KCNAB1: variants seen among roughly 807,000 people sequenced by gnomAD.
KCNAB1 encodes the protein voltage-gated potassium channel subunit beta-1.
A neutral mutation model predicts 64.6 loss-of-function variants in KCNAB1; 35 were observed. The observed-to-expected ratio is 0.54, with a 90% CI of 0.41 to 0.72. The LOEUF is 0.72. Among genes scored for constraint, KCNAB1 ranks in the 30% least tolerant of loss-of-function variants. The pLI, the probability that KCNAB1 is intolerant of heterozygous loss-of-function variation, is 0.00. For synonymous variants in KCNAB1, 177 were observed against 183.8 expected (o/e 0.96, Z 0.30); for missense variants, 401 against 512.9 (o/e 0.78, Z 2.11).
intron 1 of KCNAB1, among the ~76,000 whole-genome samples, chr3:156,177,701 T>A (rs1039429430): frequency 6.6e-6 from 1 of 151,118 alleles, no homozygotes; most frequent in South Asian, 2.1e-4. Context: ...TGAGAATTTG[T>A]CAAAAGCCGT....
intron 13 of KCNAB1, among the ~76,000 whole-genome samples, chr3:156,534,455 C>T (rs1718912760): frequency 6.6e-6 from 1 of 152,162 alleles, no homozygotes; most frequent in Admixed American, 6.5e-5. Context: ...CCCCCTCCTC[C>T]CCACATGCCT....
At chr3:156,177,526 G>A (rs1234465316) in intron 1 of KCNAB1, among the ~76,000 whole-genome samples, 1 of 151,988 alleles carries the variant, frequency 6.6e-6, no homozygotes, top group Non-Finnish European at 1.5e-5. Flanking sequence ...ACAAGCGCCC[G>A]CCACCCCGCC....
intron 1 of KCNAB1, among the ~76,000 whole-genome samples, chr3:156,163,333 T>C (rs1472388751): frequency 6.6e-6 from 1 of 152,178 alleles, no homozygotes; most frequent in Non-Finnish European, 1.5e-5. Context: ...CTTTGTTTTA[T>C]GGAATTTTTT....
At chr3:156,534,289 C>T (rs1211148570) in intron 13 of KCNAB1, among the ~76,000 whole-genome samples, 2 of 152,124 alleles carry the variant, frequency 1.3e-5, no homozygotes, top group South Asian at 2.1e-4. Flanking sequence ...AGGGATGCCA[C>T]GTGCCTAAGA....
chr3:156,257,684 G>A (rs1489750671), intron 1 of KCNAB1, among the ~76,000 whole-genome samples: 2 of 152,142 alleles, frequency 1.3e-5, no homozygotes, highest in African/African-American at 4.8e-5. Flanking sequence ...TTGGATTCAG[G>A]ATTGATGCCT....
chr3:156,359,866 C>T (rs1725490464), intron 1 of KCNAB1, among the ~76,000 whole-genome samples: 1 of 152,140 alleles, frequency 6.6e-6, no homozygotes. Context: ...ATATTAAAGG[C>T]AATGGTGGTA....
In KCNAB1 at chr3:156,375,232, C is replaced by T. The variant is rs549861796; in HGVS notation, c.276-46384C>T. On this transcript the variant is annotated intron_variant, in intron 1 of 13. Coordinates refer to ENST00000490337, the MANE Select transcript of KCNAB1 (RefSeq NM_172160.3). The stretch of plus-strand genomic sequence containing the variant: ...AGAGCTGGTGAGTGACAGAGCAGAA[C>T]GTAGAATGCAGTTTTCTTCATCCTC... 1.0e-4 allele frequency among the ~76,000 whole-genome samples: 14 copies of T among 135,636 alleles called. 4 individuals are homozygous for T. The highest frequency in any genetic ancestry group is 4.6e-4 in the African/African-American group (14 of 30,394). The allele number at this position is 135,636 out of a possible 152,430, so 89.0% of individuals were successfully genotyped here.
At chr3:156,214,840 G>A (rs561762604) in intron 1 of KCNAB1, among the ~76,000 whole-genome samples, 4 of 152,268 alleles carry the variant, frequency 2.6e-5, no homozygotes, top group South Asian at 2.1e-4. Flanking sequence ...TTCTTGTCAC[G>A]AGGGGATAAT....
chr3:156,416,361 A>G (rs1715077482), intron 1 of KCNAB1, among the ~76,000 whole-genome samples: 1 of 152,178 alleles, frequency 6.6e-6, no homozygotes, highest in South Asian at 2.1e-4. Flanking sequence ...TATTGCCTAG[A>G]ACGTATTTCA....
intron 1 of KCNAB1, among the ~76,000 whole-genome samples, chr3:156,274,674 T>C (rs770874041): frequency 5.9e-5 from 9 of 152,214 alleles, no homozygotes; most frequent in Non-Finnish European, 1.2e-4. Context: ...AGTAGTTTTG[T>C]GGAAAGTTAT....
At chr3:156,376,236 C>A (rs1021249175) in intron 1 of KCNAB1, among the ~76,000 whole-genome samples, 6 of 152,180 alleles carry the variant, frequency 3.9e-5, no homozygotes, top group African/African-American at 1.4e-4. Flanking sequence ...TGGAAATTCC[C>A]AGATGGAATT....
chr3:156,444,112 A>C (rs1383962950), intron 2 of KCNAB1, among the ~76,000 whole-genome samples: 1 of 152,272 alleles, frequency 6.6e-6, no homozygotes. Context: ...AATAAGGGCC[A>C]GGCTCTGTGG....
At chr3:156,534,720 G>T (rs1394546154) in intron 13 of KCNAB1, among the ~76,000 whole-genome samples, 1 of 152,046 alleles carries the variant, frequency 6.6e-6, no homozygotes, top group Non-Finnish European at 1.5e-5. Flanking sequence ...TGCCCAGCCA[G>T]CCCCAGCAAC....
intron 1 of KCNAB1, among the ~76,000 whole-genome samples, chr3:156,187,659 T>A (rs549241301): frequency 1.3e-5 from 2 of 152,346 alleles, no homozygotes; most frequent in South Asian, 4.1e-4. Context: ...CCTAATGATC[T>A]CTTGCATCCA....
At position 156,452,088 on chromosome 3, in the gene KCNAB1, T is replaced by C. The variant is rs1712051159; in HGVS notation, c.320-811T>C. 1.3e-5 allele frequency among the ~76,000 whole-genome samples: 2 copies of C among 152,128 alleles called. No homozygotes were observed. The highest frequency in any genetic ancestry group is 1.3e-4 in the Admixed American group (2 of 15,274). On this transcript the variant is annotated intron_variant, in intron 2 of 13. Transcript: ENST00000490337. This position sits in a 1 kb window ranked among gnomAD's most constrained non-coding sequence, Gnocchi z 4.6. ...CTTTTATGTGGCATGTAATTAGGAATCAAAAGAATTCATTCCCTCCTTTAG... is the reference window on the plus strand; with the variant it reads ...CTTTTATGTGGCATGTAATTAGGAACCAAAAGAATTCATTCCCTCCTTTAG...
At chr3:156,524,227 A>G in intron 12 of KCNAB1, 1 of 278,754 alleles carries the variant, frequency 3.6e-6, no homozygotes, top group Non-Finnish European at 6.7e-6. Flanking sequence ...TCAGGGGTGA[A>G]CTGTGTAGTG....
intron 1 of KCNAB1, among the ~76,000 whole-genome samples, chr3:156,299,528 A>G (rs1411316262): frequency 1.6e-5 from 2 of 124,096 alleles, no homozygotes; most frequent in East Asian, 4.1e-4. Context: ...ACATTGCCAC[A>G]TGTAACACTG....
chr3:156,142,894 T>C (rs1714783342), intron 1 of KCNAB1: 2 of 781,342 alleles, frequency 2.6e-6, no homozygotes, highest in Non-Finnish European at 3.2e-6. Context: ...CAGTACATAG[T>C]TGCTTATGTT....
intron 12 of KCNAB1, among the ~76,000 whole-genome samples, chr3:156,525,299 A>G (rs1718235209): frequency 1.3e-5 from 2 of 152,112 alleles, no homozygotes; most frequent in African/African-American, 4.8e-5. Context: ...TGGAGGTGGA[A>G]CATAGTGATG....
Sources: gnomAD v4.1 joint callset for allele counts (sites outside exome capture counted in the v4.1 genomes callset) on GRCh38, gnomAD v4.1.1 for gene constraint, Gnocchi (gnomAD v3.1) non-coding constraint, MANE v1.5 for transcripts, NCBI Gene and HGNC (gene_info 2026-07-23, HGNC 2026-07-21) for gene names.